Variants in ITPK1 observed in about 807,000 individuals in gnomAD.
ITPK1 encodes the protein inositol 1,3,4-trisphosphate 5/6-kinase.
In ITPK1, 21 loss-of-function variants were observed where a neutral mutation model predicts 45.3. The observed-to-expected ratio is 0.46, with a 90% CI of 0.33 to 0.67. The LOEUF is 0.67. ITPK1 is among the 30% of genes least tolerant of loss of function. The pLI is 0.02. For missense variants in ITPK1, 474 were observed against 573.5 expected (o/e 0.83, Z 1.77); for synonymous variants, 258 against 253.6 (o/e 1.02, Z -0.16).
chr14:92,997,758 C>T lies in ITPK1; in HGVS notation c.247-3761G>A, dbSNP rs191803756. Among the ~76,000 whole-genome samples, 342 of 152,328 alleles carry T rather than the reference C, an allele frequency of 2.2e-3. 2 individuals carry two copies. Among genetic ancestry groups the T allele is most frequent in the Non-Finnish European group, 3.5e-3 (239 of 68,026 alleles). On this transcript the variant is annotated intron_variant, in intron 4 of 10. Coordinates refer to ENST00000267615, the MANE Select transcript of ITPK1 (RefSeq NM_014216.6). ...ACCAAGAGTGGGATCCTGGAGCTAA[C>T]AAGGGCAGCCTGGCTCTAGGCAGAA...
Position 93,026,527 on chromosome 14 carries a change from G to A in ITPK1, c.121-9726C>T, listed in dbSNP as rs368343658. Among the ~76,000 whole-genome samples the A allele has an allele frequency of 9.8e-5, 15 of 152,332 alleles. 1 individual carries two copies. Among genetic ancestry groups the A allele is most frequent in the African/African-American group, 3.4e-4 (14 of 41,572 alleles). On this transcript the variant is annotated intron_variant, in intron 3 of 10. Coordinates refer to ENST00000267615, the MANE Select transcript of ITPK1 (RefSeq NM_014216.6). Reference sequence around the variant, plus strand: ...CTGTATCGGCCAGGGCTGGGGGGATGCAGATTCAACCGTCTCGACGGCAGC... The same window carrying A: ...CTGTATCGGCCAGGGCTGGGGGGATACAGATTCAACCGTCTCGACGGCAGC...
chr14:93,091,374 A>G (rs1891860318), intron 2 of ITPK1, among the ~76,000 whole-genome samples: 1 of 152,218 alleles, frequency 6.6e-6, no homozygotes, highest in African/African-American at 2.4e-5. Context: ...GGAAAGCACC[A>G]GGCCAGGAAG....
At chr14:92,983,529 AAAC>A (rs1255278838) in intron 5 of ITPK1, among the ~76,000 whole-genome samples, 35 of 152,336 alleles carry the variant, frequency 2.3e-4, no homozygotes, top group Admixed American at 1.6e-3. Flanking sequence ...AAAAATAGGC[AAAC>A]AACAGGCAAA....
chr14:92,946,902 GACCCGGGAAGACATGGTGCAGAGC>G (rs1476598329), intron 9 of ITPK1, among the ~76,000 whole-genome samples: 1 of 152,050 alleles, frequency 6.6e-6, no homozygotes, highest in Non-Finnish European at 1.5e-5. Flanking sequence ...GTGTGTCAGG[GACCCGGGAAGACATGGTGCAGAGC>G]ACCGAAGCCG....
At chr14:93,079,131 C>T (rs977076155) in intron 2 of ITPK1, among the ~76,000 whole-genome samples, 1 of 152,092 alleles carries the variant, frequency 6.6e-6, no homozygotes, top group African/African-American at 2.4e-5. Context: ...TCCCTTAGTC[C>T]TAAAAAAACA....
chr14:93,068,934 G>A (rs1387794202), intron 3 of ITPK1: 1 of 152,268 alleles, frequency 6.6e-6, no homozygotes, highest in Non-Finnish European at 1.5e-5. Context: ...CTATCGGAAA[G>A]CGCCAGTGCT....
At chr14:93,007,332 C>T (rs1285298124) in intron 4 of ITPK1, among the ~76,000 whole-genome samples, 1 of 152,144 alleles carries the variant, frequency 6.6e-6, no homozygotes, top group Non-Finnish European at 1.5e-5. Context: ...GGTGACATGC[C>T]TGCTGGAGCC....
chr14:92,970,397 G>A (rs1224255222), intron 5 of ITPK1, among the ~76,000 whole-genome samples: 33 of 152,212 alleles, frequency 2.2e-4, no homozygotes, highest in Admixed American at 2.2e-3. Context: ...GGAGGAGGCA[G>A]GTGTCAAACA....
In ITPK1 at chr14:92,939,728, A is replaced by G; in HGVS notation, c.*1833T>C. 6.1e-6 allele frequency: 6 copies of G among 985,238 alleles called. No homozygotes were observed. The highest frequency in any genetic ancestry group is 7.2e-6 in the Non-Finnish European group (6 of 829,902). 61.0% of individuals were successfully genotyped at this position (985,238 alleles called of 1,614,324 possible). The stretch of plus-strand genomic sequence containing the variant: ...AACACAGCCAGGAGTCACGCTGCAC[A>G]CCCCCACCCGTACCTGAGGCAGACT... On this transcript the variant is annotated 3_prime_UTR_variant, in exon 11 of 11. Transcript: ENST00000267615.
chr14:93,031,385 G>A (rs1485781796), intron 3 of ITPK1, among the ~76,000 whole-genome samples: 5 of 152,232 alleles, frequency 3.3e-5, no homozygotes, highest in Admixed American at 6.5e-5. Context: ...TGGAGAGACC[G>A]CTGTGGAAGT....
At chr14:92,964,394 G>A (rs1367836089) in intron 5 of ITPK1, among the ~76,000 whole-genome samples, 1 of 152,084 alleles carries the variant, frequency 6.6e-6, no homozygotes, top group African/African-American at 2.4e-5. Context: ...GGGGAAGTCA[G>A]GAAAGTCAGG....
intron 2 of ITPK1, among the ~76,000 whole-genome samples, chr14:93,087,355 T>C (rs1468242374): frequency 6.6e-6 from 1 of 152,172 alleles, no homozygotes; most frequent in Non-Finnish European, 1.5e-5. Context: ...GCCTCACTCC[T>C]TCACATCTGT....
chr14:93,038,779 G>A (rs560040973), intron 3 of ITPK1, among the ~76,000 whole-genome samples: 33 of 151,882 alleles, frequency 2.2e-4, no homozygotes, highest in Middle Eastern at 3.2e-3. Flanking sequence ...CACCCGTTTC[G>A]GCCTCCCAAA....
rs139743987 is a variant in ITPK1 at position 93,061,616 on chromosome 14, C to A, written c.120+14979G>T. 2.5e-3 allele frequency among the ~76,000 whole-genome samples: 387 copies of A among 152,304 alleles called. 3 individuals carry two copies. Among genetic ancestry groups the A allele is most frequent in the African/African-American group, 8.7e-3 (362 of 41,554 alleles). ...TCTAGAAGCACAAACTCCCACAAGA[C>A]CTTCCCTTTCTGTAATTCCCCAAAA... On this transcript the variant is annotated intron_variant, in intron 3 of 10. Coordinates refer to ENST00000267615, the MANE Select transcript of ITPK1 (RefSeq NM_014216.6).
chr14:93,083,679 C>T (rs1239366032), intron 2 of ITPK1, among the ~76,000 whole-genome samples: 1 of 152,168 alleles, frequency 6.6e-6, no homozygotes, highest in East Asian at 1.9e-4. Context: ...CCACAGAAGC[C>T]CAGGATGTCT....
At chr14:92,965,903 C>A (rs1481836136) in intron 5 of ITPK1, among the ~76,000 whole-genome samples, 1 of 152,022 alleles carries the variant, frequency 6.6e-6, no homozygotes, top group African/African-American at 2.4e-5. Flanking sequence ...CTCAGGAGGC[C>A]GAGGCAGGAG....
At chr14:93,099,149 A>G (rs1488157128) in intron 2 of ITPK1, among the ~76,000 whole-genome samples, 2 of 152,058 alleles carry the variant, frequency 1.3e-5, no homozygotes, top group African/African-American at 4.8e-5. Context: ...CAGTTCCACC[A>G]GGCCTGCTCA....
chr14:92,977,106 T>C (rs895384883), intron 5 of ITPK1, among the ~76,000 whole-genome samples: 1 of 152,238 alleles, frequency 6.6e-6, no homozygotes, highest in African/African-American at 2.4e-5. Flanking sequence ...GCTCATAGGA[T>C]TGCTGTAAGG....
chr14:93,073,907 A>C (rs1055307978), intron 3 of ITPK1, among the ~76,000 whole-genome samples: 1 of 152,164 alleles, frequency 6.6e-6, no homozygotes, highest in African/African-American at 2.4e-5. Flanking sequence ...CTCAGGGACC[A>C]GACACAGGAA....
Sources: allele counts gnomAD v4.1 joint callset (sites outside exome capture counted in the v4.1 genomes callset), GRCh38; gene constraint gnomAD v4.1.1; transcripts MANE v1.5; gene names NCBI Gene and HGNC (gene_info 2026-07-23, HGNC 2026-07-21).